DYRK4: variants seen among roughly 807,000 people sequenced by gnomAD.
The protein encoded by DYRK4 is dual specificity tyrosine phosphorylation regulated kinase 4.
In DYRK4, 64 loss-of-function variants were observed where a neutral mutation model predicts 68.3. The observed-to-expected ratio is 0.94, with a 90% CI of 0.77 to 1.15. The LOEUF is 1.15. Ranked by LOEUF, DYRK4 falls within the 50% of genes most tolerant of loss-of-function variation. DYRK4 has a pLI of 0.00. For synonymous variants in DYRK4, 274 were observed against 289.9 expected, an observed-to-expected ratio of 0.95 and a Z score of 0.56; for missense variants, 740 against 764.7, an observed-to-expected ratio of 0.97 and a Z score of 0.38.
At chr12:4,607,236 A>G (rs1033073804) in intron 11 of DYRK4, 91 bp from the exon 12 acceptor site, 3 of 1,433,032 alleles carry the variant, frequency 2.1e-6, no homozygotes, top group African/African-American at 1.4e-5. Flanking sequence ...TTATCTGTAG[A>G]AGGCAAAGCT....
chr12:4,572,900 G>T (rs1763800488), intron 2 of DYRK4: 1 of 206,556 alleles, frequency 4.8e-6, no homozygotes, highest in Non-Finnish European at 9.8e-6. Flanking sequence ...CAGTGGAAGA[G>T]GATATCCGAC....
intron 1 of DYRK4, among the ~76,000 whole-genome samples, chr12:4,564,986 G>C (rs1226642157): frequency 6.6e-6 from 1 of 152,202 alleles, no homozygotes; most frequent in Non-Finnish European, 1.5e-5. Flanking sequence ...GGAAAGAGAG[G>C]AAGGGGAAGG....
At position 4,591,328 on chromosome 12, in the gene DYRK4, G is replaced by A. The variant is rs1944951735; in HGVS notation, c.463+30G>A. ...GCCTTTGGGGCAGTAGCAGGGTGGG[G>A]AGGTGCTTATGGAAGGTCGGGGTGT... is the stretch of plus-strand genomic sequence containing the variant. On this transcript the variant is annotated intron_variant, in intron 5 of 14. Transcript: ENST00000543431. The surrounding 1 kb of genome is among the most constrained non-coding windows in gnomAD (Gnocchi z 4.1). 6.2e-7 allele frequency: 1 copy of A among 1,611,024 alleles called. No individual in the cohort carries two copies. The highest frequency in any genetic ancestry group is 1.3e-5 in the African/African-American group (1 of 74,774).
intron 3 of DYRK4, among the ~76,000 whole-genome samples, chr12:4,589,877 A>C (rs1217109479): frequency 6.6e-6 from 1 of 152,202 alleles, no homozygotes. Context: ...CTTATGTTGC[A>C]CTGAGGAAGA....
At chr12:4,578,981 A>G (rs936830147) in intron 2 of DYRK4, among the ~76,000 whole-genome samples, 4 of 152,230 alleles carry the variant, frequency 2.6e-5, no homozygotes, top group Admixed American at 2.6e-4. Context: ...CTAGTGTGAC[A>G]TAAACTGCAA....
chr12:4,587,846 G>C (rs1168159981), intron 2 of DYRK4, among the ~76,000 whole-genome samples: 9 of 152,228 alleles, frequency 5.9e-5, no homozygotes, highest in Non-Finnish European at 1.2e-4. Flanking sequence ...GTTTACAGAA[G>C]TGGGTCTGAT....
At chr12:4,588,881 C>A in intron 2 of DYRK4, 56 bp from the exon 3 acceptor site, 1 of 1,481,786 alleles carries the variant, frequency 6.7e-7, no homozygotes, top group Non-Finnish European at 9.1e-7. Context: ...CAAAAATATA[C>A]AGTGTGGGAT....
intron 1 of DYRK4, chr12:4,563,252 T>C: frequency 4.9e-6 from 2 of 412,356 alleles, no homozygotes; most frequent in East Asian, 7.2e-5. Context: ...CTTAAATCTG[T>C]TGTTTCTCTT....
chr12:4,590,101 A>AAG, intron 3 of DYRK4: 1 of 1,258,528 alleles, frequency 7.9e-7, no homozygotes, highest in Non-Finnish European at 1.0e-6. Flanking sequence ...GAAAGCCTGC[A>AAG]GCTAGTAAGT....
rs766256962 is a variant in DYRK4, at chr12:4,607,340, C to T, written c.1313C>T (p.Pro438Leu). 5.0e-6 allele frequency: 8 copies of T among 1,614,112 alleles called. No homozygotes were observed. The highest frequency in any genetic ancestry group is 4.5e-5 in the East Asian group (2 of 44,904). Residue 438 changes from proline (P) to leucine (L), a missense_variant, in exon 12 of 15, where the codon CCG becomes CTG. Pro to Leu is a moderately conservative substitution (Grantham distance 98, BLOSUM62 -3). Around this residue, in one of 3 missense-constraint regions of DYRK4, gnomAD observed 614 missense variants for 603.7 expected, o/e 1.02. Coordinates refer to ENST00000543431, the MANE Select transcript of DYRK4 (RefSeq NM_001394779.1). Reference sequence around the variant, plus strand: ...ATCCTTATTAAGGTGCTGGGTCTGCCGCCAGCCGGCTTCATTCAGACAGCC... The same window carrying T: ...ATCCTTATTAAGGTGCTGGGTCTGCTGCCAGCCGGCTTCATTCAGACAGCC... ...LACIMEVLGL[P>L]PAGFIQTASR...
At chr12:4,609,021 GC>G (rs1243936780) in intron 12 of DYRK4, among the ~76,000 whole-genome samples, 1 of 152,184 alleles carries the variant, frequency 6.6e-6, no homozygotes, top group Non-Finnish European at 1.5e-5. Flanking sequence ...CATATCTTGA[GC>G]CTGTAACTCT....
At position 4,598,344 on chromosome 12, in the gene DYRK4, C is replaced by G. The variant is rs532983966; in HGVS notation, c.906-684C>G. 2.6e-5 allele frequency among the ~76,000 whole-genome samples: 4 copies of G among 152,342 alleles called. No individual in the cohort carries two copies. In the South Asian group the frequency reaches 8.3e-4, roughly 32 times the overall value. On this transcript the variant is annotated intron_variant, in intron 8 of 14. Transcript: ENST00000543431. The stretch of plus-strand genomic sequence containing the variant: ...AGTCATGCTCTTTCCCTTCTCTCCC[C>G]ATCTCACAGCTTGCACAGAGGTTGC...
At chr12:4,578,998 C>T (rs192575997) in intron 2 of DYRK4, among the ~76,000 whole-genome samples, 29 of 152,216 alleles carry the variant, frequency 1.9e-4, no homozygotes, top group Admixed American at 1.4e-3. Flanking sequence ...GCAAATGGGC[C>T]GGGTGCAGTG....
At chr12:4,568,393 T>C (rs1022482821) in intron 2 of DYRK4, among the ~76,000 whole-genome samples, 2 of 152,118 alleles carry the variant, frequency 1.3e-5, no homozygotes, top group East Asian at 1.9e-4. Context: ...TTTCTTTTTT[T>C]TTTTTCTTTG....
At chr12:4,570,343 C>G (rs1472286490) in intron 2 of DYRK4, among the ~76,000 whole-genome samples, 1 of 152,126 alleles carries the variant, frequency 6.6e-6, no homozygotes, top group African/African-American at 2.4e-5. Context: ...TAAAAATACT[C>G]TTGAAACTTA....
chr12:4,563,242 C>T (rs1369581197), intron 1 of DYRK4: 5 of 422,896 alleles, frequency 1.2e-5, no homozygotes, highest in African/African-American at 1.0e-4. Context: ...GTTTCTGTTA[C>T]TTAAATCTGT....
intron 10 of DYRK4, among the ~76,000 whole-genome samples, chr12:4,601,401 A>G (rs561768649): frequency 6.6e-6 from 1 of 152,230 alleles, no homozygotes; most frequent in Non-Finnish European, 1.5e-5. Context: ...TAGAATGTAC[A>G]TCTTCACTAC....
chr12:4,589,260 G>T (rs766805208), intron 3 of DYRK4, among the ~76,000 whole-genome samples: 16 of 151,930 alleles, frequency 1.1e-4, no homozygotes, highest in Non-Finnish European at 1.0e-4. Context: ...TATATTTATG[G>T]GATACATGAG....
At chr12:4,608,254 G>T (rs1945176641) in intron 12 of DYRK4, among the ~76,000 whole-genome samples, 1 of 152,144 alleles carries the variant, frequency 6.6e-6, no homozygotes, top group Non-Finnish European at 1.5e-5. Context: ...CACAGACAGG[G>T]ACTCCATGCT....
Sources: gnomAD v4.1 joint callset for allele counts (sites outside exome capture counted in the v4.1 genomes callset) on GRCh38, gnomAD v4.1.1 for gene constraint, gnomAD v4.1.1 regional missense constraint, Gnocchi (gnomAD v3.1) non-coding constraint, MANE v1.5 for transcripts, NCBI Gene and HGNC (gene_info 2026-07-23, HGNC 2026-07-21) for gene names.